The following SRGAP3 variants were observed in gnomAD, a reference collection of about 807,000 sequenced individuals.
The protein encoded by SRGAP3 is SLIT-ROBO Rho GTPase activating protein 3.
In SRGAP3, 39 loss-of-function variants were observed where a neutral mutation model predicts 121.1. That is an observed-to-expected ratio of 0.32 (90% CI 0.25 to 0.42). The LOEUF (loss-of-function observed/expected upper bound fraction) is 0.42. Ranked by LOEUF, SRGAP3 falls within the 10% of genes least tolerant of loss-of-function variation. SRGAP3 has a pLI of 1.00. For synonymous variants in SRGAP3, 601 were observed against 570.0 expected (o/e 1.05, Z -0.77); for missense variants, 1,213 against 1,470.6 (o/e 0.82, Z 2.86).
rs747573760 is a variant in SRGAP3, at chr3:9,104,836, G to A, written c.267C>T (p.Asp89=). 5 of 1,614,234 alleles carry A rather than the reference G, an allele frequency of 3.1e-6. No individual in the cohort carries two copies. The highest frequency in any genetic ancestry group is 3.4e-6 in the Non-Finnish European group (4 of 1,180,034). ...RSSREHQFKK[D]QYLLSPVNCW... is the part of the protein sequence containing the mutation. ...AGTTCACAGGCGAGAGGAGGTACTG[G>A]TCCTTCCTGTGGAAACCAAGAAAGC... is the stretch of plus-strand genomic sequence containing the variant. Residue 89 remains aspartate, a synonymous_variant, in exon 3 of 22, where the codon GAC becomes GAT. Coordinates refer to ENST00000383836, the MANE Select transcript of SRGAP3 (RefSeq NM_014850.4).
intron 3 of SRGAP3, among the ~76,000 whole-genome samples, chr3:9,261,068 A>C (rs965842397): frequency 4.6e-5 from 7 of 152,310 alleles, no homozygotes; most frequent in African/African-American, 1.4e-4. Context: ...CAGGATCTGG[A>C]GTGGACCTCC....
chr3:9,006,480 T>C (rs1165619684), intron 18 of SRGAP3, among the ~76,000 whole-genome samples: 1 of 150,416 alleles, frequency 6.6e-6, no homozygotes. Flanking sequence ...CTAATGTCAT[T>C]TTAATACCAT....
intron 18 of SRGAP3, among the ~76,000 whole-genome samples, chr3:9,002,487 A>C (rs1012582917): frequency 6.6e-6 from 1 of 152,220 alleles, no homozygotes; most frequent in Non-Finnish European, 1.5e-5. Context: ...TAGGGAAAAA[A>C]ACCCAAACCT....
chr3:9,297,804 G>A (rs4508767), intron 3 of SRGAP3, among the ~76,000 whole-genome samples: 28,781 of 151,802 alleles, frequency 0.19, 2,840 homozygotes, highest in African/African-American at 0.22. Context: ...GCTGAGGCAC[G>A]AGAATCGCTA....
Position 8,994,483 on chromosome 3 carries a change from C to T in SRGAP3, c.2268G>A (p.Met756Ile). The T allele has an allele frequency of 6.2e-7, 1 of 1,614,130 alleles. No homozygotes were observed. The highest frequency in any genetic ancestry group is 8.5e-7 in the Non-Finnish European group (1 of 1,180,048). ...QIEAIAKFDYMGRSPRELSFK... is the reference protein window; with the variant it reads ...QIEAIAKFDYIGRSPRELSFK... ...AGGATAGCTCACGCGGGGACCGCCC[C>T]ATGTAGTCAAACTTGGCAATAGCCT... Residue 756 changes from methionine to isoleucine, a missense_variant, in exon 19 of 22, where the codon ATG becomes ATA. By Grantham distance (10) the Met-to-Ile change is conservative. This residue lies in a region of SRGAP3 where 793 missense variants were observed against 1,032.9 expected (regional missense o/e 0.77). Coordinates refer to ENST00000383836, the MANE Select transcript of SRGAP3 (RefSeq NM_014850.4).
chr3:9,126,537 G>A (rs1421871946), intron 1 of SRGAP3, among the ~76,000 whole-genome samples: 1 of 152,136 alleles, frequency 6.6e-6, no homozygotes. Flanking sequence ...GGCTGGGGCA[G>A]GAGAATCACT....
chr3:9,251,827 T>C (rs1253922167), upstream of SRGAP3, among the ~76,000 whole-genome samples: 1 of 152,156 alleles, frequency 6.6e-6, no homozygotes, highest in Non-Finnish European at 1.5e-5. Flanking sequence ...GTGGTTTACC[T>C]TCTGGCTCTG....
rs184693430 is a variant in SRGAP3 at position 9,223,492 on chromosome 3, G to A, written c.67+25393C>T. Among the ~76,000 whole-genome samples, 83 of 152,294 alleles carry A rather than the reference G, an allele frequency of 5.4e-4. 1 individual carries two copies. Among genetic ancestry groups the A allele is most frequent in the Admixed American group, 5.2e-3 (79 of 15,300 alleles). ...AGTAGAATGTTTTCTACACTTATTT[G>A]AACACAGAGCCCTTTGCTCAGCACA... On this transcript the variant is annotated intron_variant, in intron 1 of 21. Transcript: ENST00000383836.
intron 11 of SRGAP3, chr3:9,034,681 T>C (rs1260605874): frequency 2.0e-5 from 3 of 152,234 alleles, no homozygotes; most frequent in African/African-American, 4.8e-5. Context: ...TGGATCTATG[T>C]CAATTTGGTT....
chr3:9,147,668 A>G (rs1230818804), intron 1 of SRGAP3, among the ~76,000 whole-genome samples: 1 of 152,186 alleles, frequency 6.6e-6, no homozygotes, highest in Non-Finnish European at 1.5e-5. Flanking sequence ...GGAAAGAAAA[A>G]TAACAATGTG....
chr3:9,009,174 C>T (rs1338683109), intron 18 of SRGAP3, among the ~76,000 whole-genome samples: 6 of 152,212 alleles, frequency 3.9e-5, no homozygotes, highest in African/African-American at 1.2e-4. Context: ...AATAGTCCTA[C>T]TAGAATGTGA....
At chr3:8,994,088 T>C in intron 19 of SRGAP3, 1 of 513,204 alleles carries the variant, frequency 1.9e-6, no homozygotes, top group Admixed American at 2.9e-5. Context: ...CCCTGGGGGC[T>C]GTCAGCTGCA....
chr3:9,088,607 G>A (rs2664082), intron 3 of SRGAP3, among the ~76,000 whole-genome samples: 70,580 of 151,892 alleles, frequency 0.46, 17,029 homozygotes, highest in African/African-American at 0.59. Flanking sequence ...GACATTGCCA[G>A]GTGTTCCCTG....
chr3:9,283,959 A>G (rs1231528864), intron 3 of SRGAP3, among the ~76,000 whole-genome samples: 1 of 152,188 alleles, frequency 6.6e-6, no homozygotes, highest in Non-Finnish European at 1.5e-5. Flanking sequence ...ATAGACAAGA[A>G]TTATTTTGCA....
chr3:9,227,730 C>T (rs1290927237), intron 1 of SRGAP3, among the ~76,000 whole-genome samples: 3 of 152,214 alleles, frequency 2.0e-5, no homozygotes, highest in South Asian at 4.1e-4. Context: ...ACTAAGGACA[C>T]CATCTAATGC....
chr3:9,049,618 G>A (rs1945463473), intron 9 of SRGAP3: 1 of 407,260 alleles, frequency 2.5e-6, no homozygotes, highest in Non-Finnish European at 4.9e-6. Context: ...GAGGGCCAGG[G>A]GCTTGTAACC....
intron 4 of SRGAP3, among the ~76,000 whole-genome samples, chr3:9,071,220 G>A (rs1946692713): frequency 6.6e-6 from 1 of 152,140 alleles, no homozygotes; most frequent in South Asian, 2.1e-4. Flanking sequence ...GTGGACACCT[G>A]TTGTTTTTCT....
Position 9,058,248 on chromosome 3 carries a change from T to C in SRGAP3, c.1023+3A>G, listed in dbSNP as rs1277742183. 1 of 1,613,936 alleles carries C rather than the reference T, an allele frequency of 6.2e-7. No individual in the cohort carries two copies. Among genetic ancestry groups the C allele is most frequent in the African/African-American group, 1.3e-5 (1 of 74,920 alleles). On this transcript the variant is annotated splice_donor_region_variant and intron_variant, in intron 7 of 21. Coordinates refer to ENST00000383836, the MANE Select transcript of SRGAP3 (RefSeq NM_014850.4). Reference sequence around the variant, plus strand: ...CAAGCCCGGGCTCCAGGAGGAAGCCTACCTCATCCCCCATGTGGGGCTGGA... The same window carrying C: ...CAAGCCCGGGCTCCAGGAGGAAGCCCACCTCATCCCCCATGTGGGGCTGGA...
At chr3:9,223,936 G>A (rs1028154) in intron 1 of SRGAP3, among the ~76,000 whole-genome samples, 28,614 of 152,038 alleles carry the variant, frequency 0.19, 2,842 homozygotes, top group Non-Finnish European at 0.21. Flanking sequence ...TTCTCCTCTC[G>A]AAGTTTCAAT....
Sources: allele counts gnomAD v4.1 joint callset (sites outside exome capture counted in the v4.1 genomes callset), GRCh38; gene constraint gnomAD v4.1.1; regional missense constraint gnomAD v4.1.1; transcripts MANE v1.5; gene names NCBI Gene and HGNC (gene_info 2026-07-23, HGNC 2026-07-21).